The following CFHR1 variants were observed in gnomAD, a reference collection of about 807,000 sequenced individuals.
The protein encoded by CFHR1 is complement factor H-related protein 1.
A neutral mutation model predicts 30.4 loss-of-function variants in CFHR1; 22 were observed. That is an observed-to-expected ratio of 0.72 (90% CI 0.52 to 1.03). The LOEUF (loss-of-function observed/expected upper bound fraction) is 1.03, where lower values mean the gene tolerates loss of function less well. Among genes scored for constraint, CFHR1 ranks in the 50% least tolerant of loss-of-function variants. The pLI is 0.00. For synonymous variants in CFHR1, 95 were observed against 129.1 expected (o/e 0.74, Z 1.79); for missense variants, 248 against 380.6 (o/e 0.65, Z 2.90).
In CFHR1 at chr1:196,829,425, A is replaced by T; in HGVS notation, c.608-1075A>T. Among the ~76,000 whole-genome samples, 2 of 135,422 alleles carry T rather than the reference A, an allele frequency of 1.5e-5. 1 individual carries two copies. Among genetic ancestry groups the T allele is most frequent in the Non-Finnish European group, 3.1e-5 (2 of 64,208 alleles). The allele number at this position is 135,422 out of a possible 152,430, so 88.8% of individuals were successfully genotyped here. On this transcript the variant is annotated intron_variant, in intron 4 of 5. Transcript: ENST00000320493. ...CATTATATCGTTCTATTTTTTCAGGATCCTGAAGTCTCAAGCTCTTTCTTT... is the reference window on the plus strand; with the variant it reads ...CATTATATCGTTCTATTTTTTCAGGTTCCTGAAGTCTCAAGCTCTTTCTTT...
In CFHR1 at chr1:196,831,678, G is replaced by T; in HGVS notation, c.791-119G>T. The T allele has an allele frequency of 3.8e-6, 5 of 1,299,306 alleles. 1 individual carries two copies. The South Asian group carries it at 7.2e-5, about 19-fold the overall frequency. The allele number at this position is 1,299,306 out of a possible 1,614,324, so 80.5% of individuals were successfully genotyped here. A position where few individuals can be genotyped will look rare whatever the true frequency, so the allele number is the denominator to read the frequency against. On this transcript the variant is annotated intron_variant, in intron 5 of 5. Transcript: ENST00000320493. Reference sequence around the variant, plus strand: ...TATGATGTTTTTACATAGTCGGTTTGGACAGTGTTTTGAGAAATAATTCCT... The same window carrying T: ...TATGATGTTTTTACATAGTCGGTTTTGACAGTGTTTTGAGAAATAATTCCT...
At chr1:196,823,021 C>T in intron 1 of CFHR1, among the ~76,000 whole-genome samples, 1 of 132,854 alleles carries the variant, frequency 7.5e-6, no homozygotes, top group Admixed American at 7.3e-5. Context: ...TATGGGTCCA[C>T]TGTCATATAA....
intron 1 of CFHR1, among the ~76,000 whole-genome samples, chr1:196,823,982 G>C (rs1655222012): frequency 7.8e-6 from 1 of 128,996 alleles, no homozygotes; most frequent in East Asian, 2.0e-4. Context: ...TAAAAAATAT[G>C]TGTGTATATA....
chr1:196,824,203 G>A (rs1345404919), intron 1 of CFHR1, among the ~76,000 whole-genome samples: 1 of 133,856 alleles, frequency 7.5e-6, no homozygotes, highest in East Asian at 2.0e-4. Flanking sequence ...AAGAGAGAAT[G>A]GTGTAGTATT....
chr1:196,822,723 GAAACATT>G (rs1348341428), intron 1 of CFHR1, among the ~76,000 whole-genome samples: 2 of 133,904 alleles, frequency 1.5e-5, no homozygotes, highest in African/African-American at 6.4e-5. Context: ...CCTGCCTCAG[GAAACATT>G]AACTGTTTTA....
chr1:196,828,804 T>A (rs1655437299), intron 4 of CFHR1, among the ~76,000 whole-genome samples: 1 of 132,716 alleles, frequency 7.5e-6, no homozygotes, highest in East Asian at 2.0e-4. Context: ...TGTTTTTTTT[T>A]TTTTTTCACT....
rs1655212806 is a variant in CFHR1 at position 196,823,762 on chromosome 1, A to T, written c.59-1715A>T. On this transcript the variant is annotated intron_variant, in intron 1 of 5. Transcript: ENST00000320493. ...TATATTGAGGAAATATCTTGAGCTAAATACGTACTCAAAGATAAAGCATAT... is the reference window on the plus strand; with the variant it reads ...TATATTGAGGAAATATCTTGAGCTATATACGTACTCAAAGATAAAGCATAT... Among the ~76,000 whole-genome samples the T allele has an allele frequency of 2.2e-5, 3 of 135,270 alleles. 1 individual carries two copies. Among genetic ancestry groups the T allele is most frequent in the African/African-American group, 9.5e-5 (3 of 31,674 alleles). 88.7% of individuals were successfully genotyped at this position (135,270 alleles called of 152,430 possible).
At position 196,828,074 on chromosome 1, in the gene CFHR1, T is replaced by G. The variant is rs513729; in HGVS notation, c.435T>G (p.Thr145=). ...STPPKCRSTD[T]SCVNPPTVQN... ...ACTTCTTTTTTTTCTACTCAGACAC[T>G]TCCTGTGTGAATCCGCCCACAGTAC... Residue 145 remains threonine, a synonymous_variant, in exon 4 of 6, where the codon ACT becomes ACG. Coordinates refer to ENST00000320493, the MANE Select transcript of CFHR1 (RefSeq NM_002113.3). 6.6e-4 allele frequency: 986 copies of G among 1,493,128 alleles called. 185 individuals are homozygous for G. Among genetic ancestry groups the G allele is most frequent in the Non-Finnish European group, 7.6e-4 (842 of 1,112,616 alleles). 92.5% of individuals were successfully genotyped at this position (1,493,128 alleles called of 1,614,324 possible). A position where few individuals can be genotyped will look rare whatever the true frequency, so the allele number is the denominator to read the frequency against.
chr1:196,822,854 G>A (rs1461190103), intron 1 of CFHR1, among the ~76,000 whole-genome samples: 2 of 134,486 alleles, frequency 1.5e-5, no homozygotes, highest in Non-Finnish European at 3.1e-5. Flanking sequence ...CAAGTATTAC[G>A]TACTGTACAA....
In CFHR1 at chr1:196,826,983, C is replaced by A. The variant is rs1255799306; in HGVS notation, c.408C>A (p.Thr136=). ...NISCVERGWS[T]PPKCRSTDTS... The stretch of plus-strand genomic sequence containing the variant: ...CATGTGTAGAACGGGGCTGGTCCAC[C>A]CCTCCCAAATGCAGGTCCACTGGTA... Residue 136 remains threonine (T), a synonymous_variant, in exon 3 of 6, where the codon ACC becomes ACA. Coordinates refer to ENST00000320493, the MANE Select transcript of CFHR1 (RefSeq NM_002113.3). 1 of 1,523,216 alleles carries A rather than the reference C, an allele frequency of 6.6e-7. No homozygotes were observed. Among genetic ancestry groups the A allele is most frequent in the East Asian group, 2.2e-5 (1 of 44,548 alleles). The allele number at this position is 1,523,216 out of a possible 1,614,324, so 94.4% of individuals were successfully genotyped here. A position where few individuals can be genotyped will look rare whatever the true frequency, so the allele number is the denominator to read the frequency against.
chr1:196,822,747 AT>A (rs1345867998), intron 1 of CFHR1, among the ~76,000 whole-genome samples: 1 of 134,488 alleles, frequency 7.4e-6, no homozygotes, highest in Non-Finnish European at 1.6e-5. Flanking sequence ...TTTACAGTTA[AT>A]TTTTTTAATC....
At chr1:196,821,740 A>AGTGTGTGTGTGT (rs58358440) in intron 1 of CFHR1, among the ~76,000 whole-genome samples, 1 of 69,550 alleles carries the variant, frequency 1.4e-5, no homozygotes, top group Non-Finnish European at 2.6e-5. Context: ...ACTGTGAGTG[A>AGTGTGTGTGTGT]GTGTGTGTGT....
In CFHR1 at chr1:196,827,997, T is replaced by A. The variant is rs677949; in HGVS notation, c.431-73T>A. The A allele has an allele frequency of 1.3e-3, 1,747 of 1,309,384 alleles. 386 individuals carry two copies. In the African/African-American group the frequency reaches 0.031, roughly 23 times the overall value. The allele number at this position is 1,309,384 out of a possible 1,614,324, so 81.1% of individuals were successfully genotyped here. ...TATTTTAAATTCGTCTTGAAACATA[T>A]TTGTAACTGTATTAGTTGATTTGCT... On this transcript the variant is annotated intron_variant, in intron 3 of 5. Coordinates refer to ENST00000320493, the MANE Select transcript of CFHR1 (RefSeq NM_002113.3).
At chr1:196,824,511 G>A (rs1655247605) in intron 1 of CFHR1, among the ~76,000 whole-genome samples, 1 of 131,100 alleles carries the variant, frequency 7.6e-6, no homozygotes, top group Admixed American at 7.4e-5. Context: ...ACTCACCTCA[G>A]CCTCCCAAAG....
At chr1:196,827,109 C>CCA in intron 3 of CFHR1, 104 bp downstream of exon 3, 1 of 1,209,212 alleles carries the variant, frequency 8.3e-7, no homozygotes, top group Non-Finnish European at 1.2e-6. Flanking sequence ...ATACTTTTAT[C>CCA]TTTATTCATT....
Position 196,830,351 on chromosome 1 carries a change from A to G in CFHR1, c.608-149A>G, listed in dbSNP as rs187339063. On this transcript the variant is annotated intron_variant, in intron 4 of 5. Coordinates refer to ENST00000320493, the MANE Select transcript of CFHR1 (RefSeq NM_002113.3). ...AAATATATTACTTTCAGTTTAAAGG[A>G]TTAAAATTTCTTCCAGGACTCATTT... The G allele has an allele frequency of 8.6e-4, 752 of 869,900 alleles. 76 individuals carry two copies. The East Asian group carries it at 0.017, about 20-fold the overall frequency. 53.9% of individuals were successfully genotyped at this position (869,900 alleles called of 1,614,324 possible).
intron 3 of CFHR1, among the ~76,000 whole-genome samples, chr1:196,827,374 C>G (rs566765367): frequency 1.5e-5 from 2 of 135,640 alleles, no homozygotes; most frequent in South Asian, 5.1e-4. Flanking sequence ...AGAAGCATTG[C>G]TATAGTCTAT....
intron 2 of CFHR1, chr1:196,825,983 T>C (rs184719092): frequency 8.8e-6 from 2 of 226,530 alleles, no homozygotes; most frequent in East Asian, 7.7e-5. Flanking sequence ...ATCAAAGTTT[T>C]CCTTTTAAAT....
Position 196,830,075 on chromosome 1 carries a change from A to G in CFHR1, c.608-425A>G, listed in dbSNP as rs1288808809. ...TTATTAAGTATATTCAGTGTTTTTA[A>G]AAAATTTTTATCATACTTTTCCATT... On this transcript the variant is annotated intron_variant, in intron 4 of 5. Transcript: ENST00000320493. Among the ~76,000 whole-genome samples the G allele has an allele frequency of 2.2e-5, 3 of 135,230 alleles. 1 individual carries two copies. The highest frequency in any genetic ancestry group is 4.7e-5 in the Non-Finnish European group (3 of 64,310). 88.7% of individuals were successfully genotyped at this position (135,230 alleles called of 152,430 possible).
Sources: gnomAD v4.1 joint callset for allele counts (sites outside exome capture counted in the v4.1 genomes callset) on GRCh38, gnomAD v4.1.1 for gene constraint, MANE v1.5 for transcripts, NCBI Gene and HGNC (gene_info 2026-07-23, HGNC 2026-07-21) for gene names.